The following STK3 variants were observed in gnomAD, a reference collection of about 807,000 sequenced individuals.
The protein encoded by STK3 is serine/threonine kinase 3, also known as serine/threonine-protein kinase 3.
Under a neutral mutation model 58.0 loss-of-function variants are expected in STK3, and 41 were observed. That is an observed-to-expected ratio of 0.71 (90% CI 0.55 to 0.92). The LOEUF (loss-of-function observed/expected upper bound fraction) is 0.92. Among genes scored for constraint, STK3 ranks in the 40% least tolerant of loss-of-function variants. The pLI is 0.00. For missense variants in STK3, 479 were observed against 602.7 expected (o/e 0.79, Z 2.15); for synonymous variants, 170 against 191.0 (o/e 0.89, Z 0.91).
chr8:98,751,741 A>T (rs570619685), intron 3 of STK3, among the ~76,000 whole-genome samples: 1 of 152,290 alleles, frequency 6.6e-6, no homozygotes, highest in Admixed American at 6.5e-5. Flanking sequence ...GGAGTTTCAG[A>T]TCAGCCTGGC....
At chr8:98,830,708 C>T (rs1234513531) in intron 3 of STK3, among the ~76,000 whole-genome samples, 1 of 152,100 alleles carries the variant, frequency 6.6e-6, no homozygotes, top group Non-Finnish European at 1.5e-5. Flanking sequence ...CGGTGGCTCA[C>T]GCCTGTAATC....
chr8:98,836,707 C>T (rs541449933), intron 3 of STK3, among the ~76,000 whole-genome samples: 2 of 152,248 alleles, frequency 1.3e-5, no homozygotes, highest in South Asian at 4.1e-4. Flanking sequence ...CAAAGAATCC[C>T]AGGCCCCACT....
chr8:98,370,073 A>G (rs531888263), downstream of STK3, among the ~76,000 whole-genome samples: 1 of 147,384 alleles, frequency 6.8e-6, no homozygotes, highest in East Asian at 2.0e-4. Flanking sequence ...GTCAGACATC[A>G]AAAATGGGAT....
chr8:98,500,143 G>A (rs1823455678), intron 10 of STK3, among the ~76,000 whole-genome samples: 1 of 148,666 alleles, frequency 6.7e-6, no homozygotes, highest in African/African-American at 2.5e-5. Flanking sequence ...GAGGCAGAGA[G>A]GTTTTACACA....
intron 1 of STK3, among the ~76,000 whole-genome samples, chr8:98,794,982 G>A (rs111522796): frequency 8.2e-5 from 12 of 146,202 alleles, no homozygotes; most frequent in African/African-American, 2.8e-4. Context: ...GCAGGAGAAT[G>A]GCTTGAACCC....
chr8:98,468,431 A>C (rs1208120849), intron 10 of STK3, among the ~76,000 whole-genome samples: 3 of 152,264 alleles, frequency 2.0e-5, no homozygotes, highest in Non-Finnish European at 4.4e-5. Context: ...TAAGGACACA[A>C]GAAAAAAGGA....
At chr8:98,548,602 A>T (rs1023540951) in intron 8 of STK3, among the ~76,000 whole-genome samples, 6 of 152,166 alleles carry the variant, frequency 3.9e-5, no homozygotes, top group African/African-American at 1.4e-4. Flanking sequence ...CAAAATATAC[A>T]AATACATATA....
Position 98,847,204 on chromosome 8 carries a change from T to G in STK3, c.110+36443A>C, listed in dbSNP as rs139501990. On this transcript the variant is annotated intron_variant, in intron 3 of 12. Coordinates refer to the STK3 transcript ENST00000523601. ...TGATTGCATCTGTGAATAGCCACTGTGCTCTGGCCTGAATACTCAGTTTTG... is the reference window on the plus strand; with the variant it reads ...TGATTGCATCTGTGAATAGCCACTGGGCTCTGGCCTGAATACTCAGTTTTG... 1.7e-3 allele frequency among the ~76,000 whole-genome samples: 261 copies of G among 152,332 alleles called. 1 individual carries two copies. Among genetic ancestry groups the G allele is most frequent in the African/African-American group, 6.1e-3 (255 of 41,564 alleles).
intron 2 of STK3, among the ~76,000 whole-genome samples, chr8:98,770,535 C>G (rs989930240): frequency 6.6e-6 from 1 of 152,128 alleles, no homozygotes; most frequent in Middle Eastern, 3.2e-3. Flanking sequence ...GAAACCTGGA[C>G]TCAAAAGTGG....
At chr8:98,387,336 T>C (rs1817800661) in intron 1 of STK3, among the ~76,000 whole-genome samples, 1 of 152,192 alleles carries the variant, frequency 6.6e-6, no homozygotes, top group Non-Finnish European at 1.5e-5. Context: ...TAGATACAAA[T>C]ATAAAGTCAC....
chr8:98,871,803 C>A (rs1342830346), intron 3 of STK3, among the ~76,000 whole-genome samples: 1 of 152,174 alleles, frequency 6.6e-6, no homozygotes, highest in Non-Finnish European at 1.5e-5. Context: ...GACAATTTGA[C>A]TTCCTCTTTT....
chr8:98,520,838 C>T (rs1484517883), intron 10 of STK3, among the ~76,000 whole-genome samples: 1 of 152,106 alleles, frequency 6.6e-6, no homozygotes, highest in Admixed American at 6.6e-5. Context: ...TCATTAACAG[C>T]TGGTATCTTT....
At chr8:98,642,287 C>T (rs908401587) in intron 6 of STK3, among the ~76,000 whole-genome samples, 5 of 151,974 alleles carry the variant, frequency 3.3e-5, no homozygotes, top group Non-Finnish European at 7.4e-5. Context: ...TGGCACTGAG[C>T]TGTACACTTA....
At chr8:98,370,942 A>T (rs931431037), downstream of STK3, among the ~76,000 whole-genome samples, 1 of 152,214 alleles carries the variant, frequency 6.6e-6, no homozygotes, top group Non-Finnish European at 1.5e-5. Flanking sequence ...TAGGGGTATT[A>T]TATGTGAAAG....
chr8:98,440,729 G>C (rs1476341232), intron 1 of STK3, among the ~76,000 whole-genome samples: 1 of 152,212 alleles, frequency 6.6e-6, no homozygotes, highest in Non-Finnish European at 1.5e-5. Flanking sequence ...GGAGGAGGAT[G>C]ATGATGTTAA....
At chr8:98,702,102 G>A (rs187679858) in intron 6 of STK3, among the ~76,000 whole-genome samples, 4 of 152,154 alleles carry the variant, frequency 2.6e-5, no homozygotes, top group African/African-American at 9.6e-5. Context: ...AGTTTCTTTG[G>A]GGGGAAGAAA....
At chr8:98,577,750 C>T (rs894908000) in intron 8 of STK3, among the ~76,000 whole-genome samples, 1 of 152,086 alleles carries the variant, frequency 6.6e-6, no homozygotes, top group Non-Finnish European at 1.5e-5. Flanking sequence ...TAAGACCCTC[C>T]TGAAATAGCA....
chr8:98,897,480 G>A (rs1407511438), intron 1 of STK3, among the ~76,000 whole-genome samples: 1 of 151,528 alleles, frequency 6.6e-6, no homozygotes, highest in Non-Finnish European at 1.5e-5. Context: ...GGAGAATGGC[G>A]TGAACTCGGG....
intron 1 of STK3, among the ~76,000 whole-genome samples, chr8:98,893,026 AG>A (rs1564086609): frequency 1.3e-5 from 2 of 152,216 alleles, no homozygotes; most frequent in Non-Finnish European, 1.5e-5. Flanking sequence ...CAAGAAAGAA[AG>A]GCACTGAGAA....
Sources: allele counts gnomAD v4.1 joint callset (sites outside exome capture counted in the v4.1 genomes callset), GRCh38; gene constraint gnomAD v4.1.1; transcripts MANE v1.5; gene names NCBI Gene and HGNC (gene_info 2026-07-23, HGNC 2026-07-21).